The following PHACTR2 variants were observed in gnomAD, a reference collection of about 807,000 sequenced individuals.
The protein encoded by PHACTR2 is chromosome 6 open reading frame 56.
Under a neutral mutation model 76.0 loss-of-function variants are expected in PHACTR2, and 30 were observed. That is an observed-to-expected ratio of 0.39 (90% CI 0.30 to 0.54). The LOEUF (loss-of-function observed/expected upper bound fraction) is 0.54. Among genes scored for constraint, PHACTR2 ranks in the 20% least tolerant of loss-of-function variants. The pLI is 0.61. For synonymous variants in PHACTR2, 292 were observed against 292.5 expected, an observed-to-expected ratio of 1.00 and a Z score of 0.02; for missense variants, 696 against 781.1, an observed-to-expected ratio of 0.89 and a Z score of 1.30.
In PHACTR2 at chr6:143,648,103, A is replaced by G. The variant is rs1776691775; in HGVS notation, c.13+39781A>G. Among the ~76,000 whole-genome samples the G allele has an allele frequency of 6.6e-6, 1 of 152,096 alleles. No individual in the cohort carries two copies. Among genetic ancestry groups the G allele is most frequent in the Non-Finnish European group, 1.5e-5 (1 of 68,014 alleles). The stretch of plus-strand genomic sequence containing the variant: ...GTGATGACATTTGGGGTCTGTTTTG[A>G]GAATTCAGGGGATTTATCATCTCGT... On this transcript the variant is annotated intron_variant, in intron 1 of 11. Coordinates refer to the PHACTR2 transcript ENST00000305766. This position sits in a 1 kb window ranked among gnomAD's most constrained non-coding sequence, Gnocchi z 6.7.
rs1300593129 is a variant in PHACTR2 at position 143,546,073 on chromosome 6, C to T, written c.217+8866C>T. On this transcript the variant is annotated intron_variant, in intron 1 of 11. Coordinates refer to the PHACTR2 transcript ENST00000367584. This position sits in a 1 kb window ranked among gnomAD's most constrained non-coding sequence, Gnocchi z 4.9. ...TTGTCTCAAGGTACAAGTGTAGTTT[C>T]GGTTACAGTGAAACTCAGGAAAAAA... 1.3e-5 allele frequency among the ~76,000 whole-genome samples: 2 copies of T among 152,026 alleles called. No individual in the cohort carries two copies. Among genetic ancestry groups the T allele is most frequent in the Admixed American group, 1.3e-4 (2 of 15,270 alleles).
At position 143,589,832 on chromosome 6, in the gene PHACTR2, A is replaced by G. The variant is rs1212940632; in HGVS notation, c.217+52625A>G. Among the ~76,000 whole-genome samples the G allele has an allele frequency of 6.6e-6, 1 of 152,216 alleles. No homozygotes were observed. Among genetic ancestry groups the G allele is most frequent in the Non-Finnish European group, 1.5e-5 (1 of 68,046 alleles). On this transcript the variant is annotated intron_variant, in intron 1 of 11. Transcript: ENST00000367584. This position sits in a 1 kb window ranked among gnomAD's most constrained non-coding sequence, Gnocchi z 4.4. ...AATCTTATGCAAACTATTTCATATT[A>G]TAGAAGATGACGATACACATCCCAG... is the stretch of plus-strand genomic sequence containing the variant.
rs559222790 is a variant in PHACTR2, at chr6:143,745,290, C to G, written c.215-3695C>G. ...CCGTTTTCTGCTCACAAACAACTGA[C>G]TTTAGTCCGGAGCTACAGAGAGCTT... is the stretch of plus-strand genomic sequence containing the variant. On this transcript the variant is annotated intron_variant, in intron 2 of 12. Transcript: ENST00000440869. Among the ~76,000 whole-genome samples the G allele has an allele frequency of 5.9e-5, 9 of 152,316 alleles. No homozygotes were observed. In the South Asian group the frequency reaches 1.9e-3, roughly 32 times the overall value.
chr6:143,780,569 A>C lies in PHACTR2; in HGVS notation c.1646-2650A>C, dbSNP rs1273596529. Among the ~76,000 whole-genome samples, 1 of 152,258 alleles carries C rather than the reference A, an allele frequency of 6.6e-6. No homozygotes were observed. The highest frequency in any genetic ancestry group is 2.4e-5 in the African/African-American group (1 of 41,468). ...ATCTGAATTAACAACTCAAGAAGAT[A>C]ATACTCCAATTGCTGGTATTTTTAT... On this transcript the variant is annotated intron_variant, in intron 9 of 12. Coordinates refer to ENST00000440869, the MANE Select transcript of PHACTR2 (RefSeq NM_001100164.2). The surrounding 1 kb of genome is among the most constrained non-coding windows in gnomAD (Gnocchi z 4.4).
intron 2 of PHACTR2, among the ~76,000 whole-genome samples, chr6:143,720,544 C>T (rs942272374): frequency 1.3e-5 from 2 of 152,160 alleles, no homozygotes; most frequent in African/African-American, 4.8e-5. Flanking sequence ...GATTCTAGGC[C>T]TTTACAAATT....
Position 143,767,701 on chromosome 6 carries a change from C to G in PHACTR2, c.1232+1903C>G, listed in dbSNP as rs1779589969. 6.6e-6 allele frequency among the ~76,000 whole-genome samples: 1 copy of G among 152,190 alleles called. No homozygotes were observed. On this transcript the variant is annotated intron_variant, in intron 6 of 12. Coordinates refer to ENST00000440869, the MANE Select transcript of PHACTR2 (RefSeq NM_001100164.2). This position sits in a 1 kb window ranked among gnomAD's most constrained non-coding sequence, Gnocchi z 4.4. ...GAAGGTGGAAGGGCAGAGAGCACAA[C>G]AGAGTGAACCTACCCCTGTGAGCCC...
rs1776401999 is a variant in PHACTR2, at chr6:143,820,798, A to G, written c.1923-2876A>G. Among the ~76,000 whole-genome samples, 1 of 152,176 alleles carries G rather than the reference A, an allele frequency of 6.6e-6. No homozygotes were observed. Among genetic ancestry groups the G allele is most frequent in the African/African-American group, 2.4e-5 (1 of 41,448 alleles). On this transcript the variant is annotated intron_variant, in intron 12 of 12. Coordinates refer to ENST00000440869, the MANE Select transcript of PHACTR2 (RefSeq NM_001100164.2). This position sits in a 1 kb window ranked among gnomAD's most constrained non-coding sequence, Gnocchi z 4.2. ...CCCCAACTCCTCATTTCCCTTCCAC[A>G]CTGCCCTAGTAGAGGTTCTCTGTGG...
In PHACTR2 at chr6:143,654,619, A is replaced by G. The variant is rs1776817950; in HGVS notation, c.13+46297A>G. On this transcript the variant is annotated intron_variant, in intron 1 of 11. Coordinates refer to the PHACTR2 transcript ENST00000305766. This position sits in a 1 kb window ranked among gnomAD's most constrained non-coding sequence, Gnocchi z 4.6. ...CTGGAGTTCAAGACCAGCCTGAGCA[A>G]CATAGCAAGACTCCATCTCTACAAA... 6.6e-6 allele frequency among the ~76,000 whole-genome samples: 1 copy of G among 152,122 alleles called. No individual in the cohort carries two copies.
rs113735043 is a variant in PHACTR2 at position 143,816,685 on chromosome 6, GAA to G, written c.1923-6977_1923-6976del. 7.0e-6 allele frequency among the ~76,000 whole-genome samples: 1 copy of G among 142,008 alleles called. No homozygotes were observed. 93.2% of individuals were successfully genotyped at this position (142,008 alleles called of 152,430 possible). On this transcript the variant is annotated intron_variant, in intron 12 of 12. Transcript: ENST00000440869. This position sits in a 1 kb window ranked among gnomAD's most constrained non-coding sequence, Gnocchi z 4.5. Reference sequence around the variant, plus strand: ...ATCCATGGGCAAATGGTGTGTGCAGGAAAAAAAAAAAAATCTTACACTGTCCT... The same window carrying G: ...ATCCATGGGCAAATGGTGTGTGCAGGAAAAAAAAAAATCTTACACTGTCCT...
Position 143,595,336 on chromosome 6 carries a change from A to G in PHACTR2, c.217+58129A>G, listed in dbSNP as rs1489542451. On this transcript the variant is annotated intron_variant, in intron 1 of 11. Transcript: ENST00000367584. This position sits in a 1 kb window ranked among gnomAD's most constrained non-coding sequence, Gnocchi z 4.2. Reference sequence around the variant, plus strand: ...GCTTTTTAACAGTAAAGGTAACTTTATTTCCAGCATTCGACCAAAATGCAG... The same window carrying G: ...GCTTTTTAACAGTAAAGGTAACTTTGTTTCCAGCATTCGACCAAAATGCAG... 6.6e-6 allele frequency among the ~76,000 whole-genome samples: 1 copy of G among 152,242 alleles called. No individual in the cohort carries two copies. The highest frequency in any genetic ancestry group is 1.5e-5 in the Non-Finnish European group (1 of 68,040).
At position 143,558,571 on chromosome 6, in the gene PHACTR2, A is replaced by G. The variant is rs887061407; in HGVS notation, c.217+21364A>G. 2.0e-5 allele frequency among the ~76,000 whole-genome samples: 3 copies of G among 152,170 alleles called. No homozygotes were observed. The highest frequency in any genetic ancestry group is 7.2e-5 in the African/African-American group (3 of 41,428). Reference sequence around the variant, plus strand: ...ATTTTTTAGGCTACATGGTGGGGAGACCAGAAAGCTCACTATTTCACTTAT... The same window carrying G: ...ATTTTTTAGGCTACATGGTGGGGAGGCCAGAAAGCTCACTATTTCACTTAT... On this transcript the variant is annotated intron_variant, in intron 1 of 11. Transcript: ENST00000367584. The surrounding 1 kb of genome is among the most constrained non-coding windows in gnomAD (Gnocchi z 4.7).
chr6:143,756,577 T>C (rs1233940958), intron 4 of PHACTR2, among the ~76,000 whole-genome samples: 2 of 151,216 alleles, frequency 1.3e-5, no homozygotes, highest in Non-Finnish European at 2.9e-5. Context: ...CGGGCGCCTG[T>C]AGTCCCAGCT....
chr6:143,712,665 A>T (rs1294774245), intron 2 of PHACTR2, among the ~76,000 whole-genome samples: 1 of 152,134 alleles, frequency 6.6e-6, no homozygotes, highest in African/African-American at 2.4e-5. Flanking sequence ...TTTTTTAAAA[A>T]TGTATTTTTT....
At chr6:143,605,727 G>A (rs1775862302), upstream of PHACTR2, among the ~76,000 whole-genome samples, 3 of 152,134 alleles carry the variant, frequency 2.0e-5, no homozygotes, top group Non-Finnish European at 4.4e-5. This position sits in a 1 kb window ranked among gnomAD's most constrained non-coding sequence, Gnocchi z 5.0. Context: ...TCTTAGTGGA[G>A]ATGTTTAAGT....
intron 1 of PHACTR2, among the ~76,000 whole-genome samples, chr6:143,626,267 G>T (rs551136115): frequency 2.6e-5 from 4 of 152,144 alleles, no homozygotes; most frequent in Non-Finnish European, 5.9e-5. Context: ...GCCGGGCACG[G>T]TTGCTCACGC....
Position 143,628,922 on chromosome 6 carries a change from GAGATATATATATATATATATATATATAT to G in PHACTR2, c.13+20602_13+20629del, listed in dbSNP as rs1220811615. Among the ~76,000 whole-genome samples, 500 of 104,494 alleles carry G rather than the reference GAGATATATATATATATATATATATATAT, an allele frequency of 4.8e-3. 9 individuals carry two copies. The highest frequency in any genetic ancestry group is 0.012 in the Admixed American group (108 of 9,382). 68.6% of individuals were successfully genotyped at this position (104,494 alleles called of 152,430 possible). A position where few individuals can be genotyped will look rare whatever the true frequency, so the allele number is the denominator to read the frequency against. The stretch of plus-strand genomic sequence containing the variant: ...AAAGAAGATGAATGTTTAAATGCAG[GAGATATATATATATATATATATATATAT>G]ATATATATATATATATATATATATA... On this transcript the variant is annotated intron_variant, in intron 1 of 11. Coordinates refer to the PHACTR2 transcript ENST00000305766.
At position 143,616,493 on chromosome 6, in the gene PHACTR2, G is replaced by A. The variant is rs1400057948; in HGVS notation, c.13+8171G>A. On this transcript the variant is annotated intron_variant, in intron 1 of 11. Transcript: ENST00000305766. This position sits in a 1 kb window ranked among gnomAD's most constrained non-coding sequence, Gnocchi z 4.9. ...AAGCATTTGTACCTTCATTCTTGCT[G>A]TTCTTCCCACCTAGAACGCCTTCTC... Among the ~76,000 whole-genome samples, 3 of 152,018 alleles carry A rather than the reference G, an allele frequency of 2.0e-5. No homozygotes were observed. The highest frequency in any genetic ancestry group is 7.3e-5 in the African/African-American group (3 of 41,378).
In PHACTR2 at chr6:143,765,809, G is replaced by T. The variant is rs1181408186; in HGVS notation, c.1232+11G>T. 1 of 1,592,720 alleles carries T rather than the reference G, an allele frequency of 6.3e-7. No individual in the cohort carries two copies. Among genetic ancestry groups the T allele is most frequent in the Non-Finnish European group, 8.6e-7 (1 of 1,164,286 alleles). Reference sequence around the variant, plus strand: ...AGAAAATGCAAAATGGTGAGTTGGGGAACAAACCCCCTATTTTATCTGAGA... The same window carrying T: ...AGAAAATGCAAAATGGTGAGTTGGGTAACAAACCCCCTATTTTATCTGAGA... On this transcript the variant is annotated intron_variant, in intron 6 of 12. Coordinates refer to ENST00000440869, the MANE Select transcript of PHACTR2 (RefSeq NM_001100164.2). This position sits in a 1 kb window ranked among gnomAD's most constrained non-coding sequence, Gnocchi z 4.1.
chr6:143,752,248 A>G (rs998573967), intron 3 of PHACTR2, among the ~76,000 whole-genome samples: 2 of 152,096 alleles, frequency 1.3e-5, no homozygotes, highest in Non-Finnish European at 2.9e-5. Flanking sequence ...GAAAACAAAG[A>G]TAAATTTATA....
Sources: allele counts gnomAD v4.1 joint callset (sites outside exome capture counted in the v4.1 genomes callset), GRCh38; gene constraint gnomAD v4.1.1; non-coding constraint Gnocchi (gnomAD v3.1); transcripts MANE v1.5; gene names NCBI Gene and HGNC (gene_info 2026-07-23, HGNC 2026-07-21).